Variants in NLE1 observed in about 807,000 individuals in gnomAD.
The protein encoded by NLE1 is notchless homolog 1, also known as notchless protein homolog 1.
A neutral mutation model predicts 62.8 loss-of-function variants in NLE1; 37 were observed. The observed-to-expected ratio is 0.59, with a 90% CI of 0.45 to 0.78. The LOEUF (loss-of-function observed/expected upper bound fraction) is 0.78. Among genes scored for constraint, NLE1 ranks in the 30% least tolerant of loss-of-function variants. The pLI, the probability that NLE1 is intolerant of heterozygous loss-of-function variation, is 0.00. For synonymous variants in NLE1, 243 were observed against 253.0 expected, an observed-to-expected ratio of 0.96 and a Z score of 0.37; for missense variants, 555 against 637.9, an observed-to-expected ratio of 0.87 and a Z score of 1.40.
chr17:35,137,992 A>G, intron 4 of NLE1, 102 bp from the exon 5 acceptor site: 2 of 783,324 alleles, frequency 2.6e-6, no homozygotes, highest in Admixed American at 2.6e-5. Flanking sequence ...CCATTTGAAT[A>G]AATGAATGAT....
In NLE1 at chr17:35,130,778, T is replaced by A; in HGVS notation, c.*1659A>T. ...TGCAGACAGCCTCAGATGGGCTGGC[T>A]GGCACCCACCTCCTAGCTTCCACCA... On this transcript the variant is annotated 3_prime_UTR_variant, in exon 13 of 13. Transcript: ENST00000442241. 4.4e-6 allele frequency: 1 copy of A among 228,878 alleles called. No individual in the cohort carries two copies. Among genetic ancestry groups the A allele is most frequent in the Non-Finnish European group, 8.7e-6 (1 of 115,300 alleles). The allele number at this position is 228,878 out of a possible 1,614,324, so 14.2% of individuals were successfully genotyped here. A position where few individuals can be genotyped will look rare whatever the true frequency, so the allele number is the denominator to read the frequency against.
intron 3 of NLE1, 94 bp from the exon 4 acceptor site, chr17:35,139,408 T>C: frequency 9.8e-7 from 1 of 1,017,860 alleles, no homozygotes; most frequent in Admixed American, 1.8e-5. Flanking sequence ...ACTGGACTCT[T>C]TCCTCGCCCC....
rs1398407150 is a variant in NLE1, at chr17:35,131,862, C to T, written c.*575G>A. On this transcript the variant is annotated 3_prime_UTR_variant, in exon 13 of 13. Coordinates refer to ENST00000442241, the MANE Select transcript of NLE1 (RefSeq NM_018096.5). ...GGCCGGTGCCTACTGCAGTGGACAA[C>T]AATACAGCCCTAGATTCTCCTTGGC... 3 of 152,292 alleles carry T rather than the reference C, an allele frequency of 2.0e-5. No homozygotes were observed. The highest frequency in any genetic ancestry group is 7.2e-5 in the African/African-American group (3 of 41,462). The allele number at this position is 152,292 out of a possible 1,614,324, so 9.4% of individuals were successfully genotyped here.
intron 9 of NLE1, 115 bp from the exon 10 acceptor site, chr17:35,135,566 C>G (rs530569639): frequency 1.2e-5 from 11 of 899,992 alleles, no homozygotes; most frequent in Non-Finnish European, 1.9e-5. Context: ...CAGAGAGAGG[C>G]CAGCGCTAGG....
rs1195736230 is a variant in NLE1, at chr17:35,132,387, G to C, written c.*50C>G. The C allele has an allele frequency of 2.1e-6, 3 of 1,432,944 alleles. No individual in the cohort carries two copies. Among genetic ancestry groups the C allele is most frequent in the Non-Finnish European group, 2.8e-6 (3 of 1,086,040 alleles). The allele number at this position is 1,432,944 out of a possible 1,614,324, so 88.8% of individuals were successfully genotyped here. ...CCTTTGTTCTCTGGCAGGGAAGGCAGCTGGCAGAGGCCGAGTCGAGGTGGG... is the reference window on the plus strand; with the variant it reads ...CCTTTGTTCTCTGGCAGGGAAGGCACCTGGCAGAGGCCGAGTCGAGGTGGG... On this transcript the variant is annotated 3_prime_UTR_variant, in exon 13 of 13. Coordinates refer to ENST00000442241, the MANE Select transcript of NLE1 (RefSeq NM_018096.5).
intron 2 of NLE1, among the ~76,000 whole-genome samples, chr17:35,140,480 C>T (rs2091936490): frequency 2.0e-5 from 3 of 152,154 alleles, no homozygotes; most frequent in South Asian, 4.1e-4. Context: ...CCACCTGCCT[C>T]GGCCTCCCAA....
rs1372177003 is a variant in NLE1, at chr17:35,132,242, C to T, written c.*195G>A. The T allele has an allele frequency of 2.4e-6, 1 of 411,012 alleles. No homozygotes were observed. Among genetic ancestry groups the T allele is most frequent in the East Asian group, 3.8e-5 (1 of 26,508 alleles). 25.5% of individuals were successfully genotyped at this position (411,012 alleles called of 1,614,324 possible). The stretch of plus-strand genomic sequence containing the variant: ...TTCCTGTGACCTTCGATTTCTGGCT[C>T]TGGGGTGTGCCACAGGCGGGGATCT... On this transcript the variant is annotated 3_prime_UTR_variant, in exon 13 of 13. Transcript: ENST00000442241.
intron 7 of NLE1, 136 bp from the exon 8 acceptor site, chr17:35,136,633 G>A: frequency 9.0e-7 from 1 of 1,117,122 alleles, no homozygotes; most frequent in Non-Finnish European, 1.2e-6. Context: ...ACCCCTCTGG[G>A]GTCAAGTCTC....
chr17:35,130,374 G>A lies in NLE1; in HGVS notation c.*2063C>T. The A allele has an allele frequency of 1.2e-6, 2 of 1,614,134 alleles. No individual in the cohort carries two copies. The highest frequency in any genetic ancestry group is 1.3e-5 in the African/African-American group (1 of 75,040). On this transcript the variant is annotated 3_prime_UTR_variant, in exon 13 of 13. Coordinates refer to ENST00000442241, the MANE Select transcript of NLE1 (RefSeq NM_018096.5). ...GCAAGGAACCCCGGCAAAAGATCGT[G>A]TCCATCGGGCCGGAGGAGATGCGGA...
intron 7 of NLE1, 151 bp from the exon 8 acceptor site, chr17:35,136,648 C>A: frequency 9.9e-7 from 1 of 1,006,908 alleles, no homozygotes; most frequent in South Asian, 1.8e-5. Context: ...AGTCTCTCCC[C>A]ACTTGTAAAA....
At chr17:35,133,582 T>A in intron 10 of NLE1, 84 bp from the exon 11 acceptor site, 1 of 1,323,846 alleles carries the variant, frequency 7.6e-7, no homozygotes, top group Non-Finnish European at 1.0e-6. Context: ...CTCATGGCAG[T>A]GGTTCTCAAC....
At chr17:35,133,968 T>G (rs1417704576) in intron 10 of NLE1, among the ~76,000 whole-genome samples, 1 of 152,148 alleles carries the variant, frequency 6.6e-6, no homozygotes, top group Non-Finnish European at 1.5e-5. Flanking sequence ...ATTACCTATC[T>G]TAAAGGGTTG....
chr17:35,129,973 A>G lies in NLE1; in HGVS notation c.*2464T>C. 1 of 1,371,430 alleles carries G rather than the reference A, an allele frequency of 7.3e-7. No individual in the cohort carries two copies. The highest frequency in any genetic ancestry group is 9.4e-7 in the Non-Finnish European group (1 of 1,062,846). 85.0% of individuals were successfully genotyped at this position (1,371,430 alleles called of 1,614,324 possible). The stretch of plus-strand genomic sequence containing the variant: ...GTGAGTAGGCTGGGAAGTCAAGGGC[A>G]TTGAAAGAAATAGGGAAGACAAGAG... On this transcript the variant is annotated 3_prime_UTR_variant, in exon 13 of 13. Coordinates refer to ENST00000442241, the MANE Select transcript of NLE1 (RefSeq NM_018096.5).
At chr17:35,136,284 G>A in intron 8 of NLE1, 69 bp from the exon 9 acceptor site, 2 of 1,611,840 alleles carry the variant, frequency 1.2e-6, no homozygotes, top group Non-Finnish European at 1.7e-6. Flanking sequence ...CCAACACAAA[G>A]AGCAAACACT....
chr17:35,130,098 TAATGAGGAGGTACAGGCTTG>T lies in NLE1; in HGVS notation c.*2319_*2338del, dbSNP rs1486828320. 7.7e-6 allele frequency: 11 copies of T among 1,427,180 alleles called. No homozygotes were observed. In the African/African-American group the frequency reaches 1.6e-4, roughly 21 times the overall value. 88.4% of individuals were successfully genotyped at this position (1,427,180 alleles called of 1,614,324 possible). A position where few individuals can be genotyped will look rare whatever the true frequency, so the allele number is the denominator to read the frequency against. Reference sequence around the variant, plus strand: ...CAGCCCTTTGGTTGGAAATATCCCATAATGAGGAGGTACAGGCTTGAGTCATGCATCTTTGCACCTGTTTC... The same window carrying T: ...CAGCCCTTTGGTTGGAAATATCCCATAGTCATGCATCTTTGCACCTGTTTC... On this transcript the variant is annotated 3_prime_UTR_variant, in exon 13 of 13. Transcript: ENST00000442241.
Position 35,139,328 on chromosome 17 carries a change from G to C in NLE1, c.381-14C>G, listed in dbSNP as rs1437764790. The C allele has an allele frequency of 6.2e-7, 1 of 1,609,844 alleles. No homozygotes were observed. Among genetic ancestry groups the C allele is most frequent in the Non-Finnish European group, 8.5e-7 (1 of 1,176,394 alleles). On this transcript the variant is annotated splice_polypyrimidine_tract_variant and intron_variant, in intron 3 of 12. Coordinates refer to ENST00000442241, the MANE Select transcript of NLE1 (RefSeq NM_018096.5). The stretch of plus-strand genomic sequence containing the variant: ...CTGGCCAGGTACCTGGGGAAGAAGA[G>C]AGGATGCTTGACACTGCACATGTGC...
chr17:35,138,055 T>C (rs754233309), intron 4 of NLE1, among the ~76,000 whole-genome samples, 165 bp from the exon 5 acceptor site: 51 of 152,192 alleles, frequency 3.4e-4, no homozygotes, highest in Non-Finnish European at 5.9e-4. Context: ...GCACCCCAAG[T>C]GTTAGAGCTC....
At chr17:35,136,920 T>G in intron 7 of NLE1, 81 bp downstream of exon 7, 2 of 1,306,670 alleles carry the variant, frequency 1.5e-6, no homozygotes, top group Admixed American at 4.1e-5. Context: ...CTGGACTCGC[T>G]GATGTCAAGG....
chr17:35,134,706 A>G (rs563995897), intron 10 of NLE1, among the ~76,000 whole-genome samples: 1 of 152,228 alleles, frequency 6.6e-6, no homozygotes, highest in East Asian at 1.9e-4. Context: ...AGCCTGAACT[A>G]GCATTTTTAG....
Sources: allele counts gnomAD v4.1 joint callset (sites outside exome capture counted in the v4.1 genomes callset), GRCh38; gene constraint gnomAD v4.1.1; transcripts MANE v1.5; gene names NCBI Gene and HGNC (gene_info 2026-07-23, HGNC 2026-07-21).